ADGRD2: variants seen among roughly 807,000 people sequenced by gnomAD.
The protein encoded by ADGRD2 is adhesion G protein-coupled receptor D2, also known as G protein-coupled receptor PGR24.
A neutral mutation model predicts 44.4 loss-of-function variants in ADGRD2; 71 were observed. The observed-to-expected ratio is 1.60, with a 90% confidence interval of 1.32 to 1.95. ADGRD2 has a LOEUF of 1.95. Ranked by LOEUF, ADGRD2 falls within the 30% of genes most tolerant of loss-of-function variation. The pLI, the probability that ADGRD2 is intolerant of heterozygous loss-of-function variation, is 0.00. For missense variants in ADGRD2, 1,039 were observed against 512.4 expected, an observed-to-expected ratio of 2.03 and a Z score of -9.92; for synonymous variants, 481 against 224.8, an observed-to-expected ratio of 2.14 and a Z score of -10.19.
Position 124,459,130 on chromosome 9 carries a change from C to T in ADGRD2, c.1870+409C>T, listed in dbSNP as rs561532975. ...CTCACTGCAGTGTGTGTACAGGGGC[C>T]TTCACATATGAATGCGCTTCATACA... On this transcript the variant is annotated intron_variant, in intron 10 of 21. Transcript: ENST00000334810. Among the ~76,000 whole-genome samples, 7 of 152,308 alleles carry T rather than the reference C, an allele frequency of 4.6e-5. No individual in the cohort carries two copies. In the South Asian group the frequency reaches 1.5e-3, roughly 32 times the overall value.
In ADGRD2 at chr9:124,454,060, CCT is replaced by C; in HGVS notation, c.986_987del (p.Leu330GlyfsTer128). ...CTCGCAGTGAGGGCTCTGAGCTCTGCCTGGAGCCGCAGCCCTTCCTCTGCTGC... is the reference window on the plus strand; with the variant it reads ...CTCGCAGTGAGGGCTCTGAGCTCTGCGGAGCCGCAGCCCTTCCTCTGCTGC... On this transcript the variant is annotated frameshift_variant, in exon 4 of 22. Coordinates refer to ENST00000334810, the Ensembl canonical transcript of ADGRD2. LOFTEE classifies it high-confidence loss of function. This position sits in a 1 kb window ranked among gnomAD's most constrained non-coding sequence, Gnocchi z 4.5. 1 of 714,034 alleles carries C rather than the reference CCT, an allele frequency of 1.4e-6. No homozygotes were observed. Among genetic ancestry groups the C allele is most frequent in the Non-Finnish European group, 2.6e-6 (1 of 383,568 alleles). The allele number at this position is 714,034 out of a possible 1,614,324, so 44.2% of individuals were successfully genotyped here.
At chr9:124,473,632 A>G (rs570698121) in intron 17 of ADGRD2, among the ~76,000 whole-genome samples, 3 of 152,230 alleles carry the variant, frequency 2.0e-5, no homozygotes, top group Non-Finnish European at 4.4e-5. Context: ...GGACATGGAG[A>G]TGCCCAGGGC....
Position 124,475,496 on chromosome 9 carries a change from G to A in ADGRD2, c.2800+9G>A. 1.4e-6 allele frequency: 1 copy of A among 714,694 alleles called. No individual in the cohort carries two copies. Among genetic ancestry groups the A allele is most frequent in the East Asian group, 2.7e-5 (1 of 37,154 alleles). 44.3% of individuals were successfully genotyped at this position (714,694 alleles called of 1,614,324 possible). On this transcript the variant is annotated intron_variant, in intron 18 of 21. Transcript: ENST00000334810. ...CTGCCTGCAATGAGGAGGTGAGTCT[G>A]GGGGTGCCGGCTGCAGGGAGAGGGG...
chr9:124,476,440 C>T (rs1172490991), intron 20 of ADGRD2, 25 bp downstream of exon 23: 1 of 699,260 alleles, frequency 1.4e-6, no homozygotes, highest in Non-Finnish European at 2.6e-6. Flanking sequence ...GGGTGGGCCG[C>T]ACAGGGCTCT....
In ADGRD2 at chr9:124,459,257, C is replaced by T. The variant is rs535949656; in HGVS notation, c.1870+536C>T. Among the ~76,000 whole-genome samples the T allele has an allele frequency of 2.4e-3, 362 of 152,204 alleles. 1 individual carries two copies. Among genetic ancestry groups the T allele is most frequent in the African/African-American group, 8.6e-3 (357 of 41,516 alleles). The stretch of plus-strand genomic sequence containing the variant: ...CTGTAATCCCAGCACTTTGGGAGGC[C>T]GAGGCGGGCGGATCACTTGAGGTCA... On this transcript the variant is annotated intron_variant, in intron 10 of 21. Coordinates refer to ENST00000334810, the Ensembl canonical transcript of ADGRD2.
upstream of ADGRD2, chr9:124,452,077 T>C (rs1831485170): frequency 3.7e-6 from 2 of 536,596 alleles, no homozygotes; most frequent in Non-Finnish European, 7.3e-6. Flanking sequence ...CCCACCTGTC[T>C]TCTTCTCTCC....
exon 14 of ADGRD2, chr9:124,468,532 C>T: frequency 1.4e-6 from 1 of 718,572 alleles, no homozygotes; most frequent in South Asian, 1.5e-5. Flanking sequence ...GCATGTGTGG[C>T]TGTCACAGTC....
intron 19 of ADGRD2, among the ~76,000 whole-genome samples, chr9:124,475,817 G>A (rs151237079): frequency 2.6e-3 from 401 of 152,244 alleles, no homozygotes; most frequent in Admixed American, 5.9e-3. Flanking sequence ...AGAGGTACTC[G>A]CAGCACCCAG....
chr9:124,463,302 G>C (rs1158574621), intron 10 of ADGRD2, among the ~76,000 whole-genome samples: 1 of 152,148 alleles, frequency 6.6e-6, no homozygotes, highest in African/African-American at 2.4e-5. Context: ...ATTTTCAAGT[G>C]TTAAACCAAC....
At chr9:124,473,143 C>T (rs1209132886) in intron 17 of ADGRD2, among the ~76,000 whole-genome samples, 1 of 152,220 alleles carries the variant, frequency 6.6e-6, no homozygotes, top group Non-Finnish European at 1.5e-5. Flanking sequence ...CCATCCCTGT[C>T]CCTCTCTCAC....
chr9:124,469,581 A>G, intron 16 of ADGRD2, 34 bp downstream of exon 19: 1 of 716,030 alleles, frequency 1.4e-6, no homozygotes, highest in Non-Finnish European at 2.6e-6. Flanking sequence ...AGCAGGAAGC[A>G]GGAAGTGCAC....
rs1303159924 is a variant in ADGRD2, at chr9:124,452,271, C to T, written c.68+113C>T. On this transcript the variant is annotated intron_variant, in intron 1 of 21. Transcript: ENST00000334810. Reference sequence around the variant, plus strand: ...AGGGGAAGAGTAACATTTAGTTCCACCCCCACCATACCAGGCCCTGCGAGG... The same window carrying T: ...AGGGGAAGAGTAACATTTAGTTCCATCCCCACCATACCAGGCCCTGCGAGG... 9.4e-6 allele frequency: 6 copies of T among 636,156 alleles called. No homozygotes were observed. In the Admixed American group the frequency reaches 1.0e-4, roughly 11 times the overall value. The allele number at this position is 636,156 out of a possible 1,614,324, so 39.4% of individuals were successfully genotyped here.
chr9:124,466,045 A>C (rs967587497), intron 10 of ADGRD2: 3 of 387,028 alleles, frequency 7.8e-6, no homozygotes, highest in African/African-American at 6.2e-5. Context: ...TAAGTTGATA[A>C]ATGACAGTCA....
chr9:124,454,926 C>G lies in ADGRD2; in HGVS notation c.1194C>G (p.Val398=). 1 of 716,882 alleles carries G rather than the reference C, an allele frequency of 1.4e-6. No homozygotes were observed. The highest frequency in any genetic ancestry group is 1.5e-5 in the South Asian group (1 of 67,608). The allele number at this position is 716,882 out of a possible 1,614,324, so 44.4% of individuals were successfully genotyped here. Residue 398 remains valine, a synonymous_variant, in exon 6 of 22, where the codon GTC becomes GTG. Coordinates refer to ENST00000334810, the Ensembl canonical transcript of ADGRD2. The surrounding 1 kb of genome is among the most constrained non-coding windows in gnomAD (Gnocchi z 4.5). ...GCTTCCTGGGCCTTCTGGAGCATGT[C>G]CTGGCGATGGAGATGGCTCCCCTGG...
chr9:124,468,593 G>T, exon 14 of ADGRD2: 1 of 718,572 alleles, frequency 1.4e-6, no homozygotes. Flanking sequence ...TGGTGGAGGG[G>T]CTGCTGCTGT....
chr9:124,461,399 G>A (rs376742532), intron 10 of ADGRD2, among the ~76,000 whole-genome samples: 2 of 152,196 alleles, frequency 1.3e-5, no homozygotes, highest in Non-Finnish European at 2.9e-5. Flanking sequence ...TCTCAAAGAA[G>A]TTTATCACTT....
At chr9:124,453,873 C>T in intron 3 of ADGRD2, 126 bp from the exon 7 acceptor site, 2 of 397,710 alleles carry the variant, frequency 5.0e-6, no homozygotes, top group East Asian at 5.0e-5. Context: ...GGCCCCCTTA[C>T]CCCCACCCCG....
At chr9:124,466,170 G>A (rs1466870258) in intron 10 of ADGRD2, 88 bp from the exon 14 acceptor site, 2 of 497,962 alleles carry the variant, frequency 4.0e-6, no homozygotes, top group Non-Finnish European at 3.7e-6. Context: ...CTGGTTAGAG[G>A]CAGGGCAGTG....
At position 124,468,680 on chromosome 9, in the gene ADGRD2, C is replaced by T. The variant is rs1426884196; in HGVS notation, c.2387+8C>T. The T allele has an allele frequency of 1.4e-6, 1 of 710,832 alleles. No individual in the cohort carries two copies. Among genetic ancestry groups the T allele is most frequent in the South Asian group, 1.5e-5 (1 of 66,942 alleles). 44.0% of individuals were successfully genotyped at this position (710,832 alleles called of 1,614,324 possible). ...ACCACGCCACAGGCTGGGGTGAGGC[C>T]TGCTCTGCACCCACACTCTCTTCTC... On this transcript the variant is annotated splice_region_variant and intron_variant, in intron 14 of 21. Coordinates refer to ENST00000334810, the Ensembl canonical transcript of ADGRD2.
Sources: allele counts gnomAD v4.1 joint callset (sites outside exome capture counted in the v4.1 genomes callset), GRCh38; gene constraint gnomAD v4.1.1; non-coding constraint Gnocchi (gnomAD v3.1); transcripts MANE v1.5; gene names NCBI Gene and HGNC (gene_info 2026-07-23, HGNC 2026-07-21).